Variants in VWA8 observed in about 807,000 individuals in gnomAD.
VWA8 encodes von Willebrand factor A domain containing 8, also known as von Willebrand factor A domain-containing protein 8.
Under a neutral mutation model 241.5 loss-of-function variants are expected in VWA8, and 221 were observed. The ratio of observed to expected loss-of-function variants is 0.91; its 90% CI spans 0.82 to 1.02. VWA8 has a LOEUF of 1.02. Among genes scored for constraint, VWA8 ranks in the 50% least tolerant of loss-of-function variants. The probability of loss-of-function intolerance (pLI) is 0.00; values close to 1 mark genes in which losing one functional copy is unlikely to be tolerated. For synonymous variants in VWA8, 852 were observed against 827.1 expected, an observed-to-expected ratio of 1.03 and a Z score of -0.52; for missense variants, 2,322 against 2,328.7, an observed-to-expected ratio of 1.00 and a Z score of 0.06.
At chr13:41,927,009 G>A (rs758834388) in intron 2 of VWA8, 11 of 423,780 alleles carry the variant, frequency 2.6e-5, no homozygotes, top group East Asian at 6.0e-5. Context: ...AAATGGCACC[G>A]CTCTAAAGAG....
chr13:41,769,088 G>A (rs75051512), intron 20 of VWA8, among the ~76,000 whole-genome samples: 2,083 of 152,158 alleles, frequency 0.014, 27 homozygotes, highest in Middle Eastern at 0.051. Flanking sequence ...GGTATTTTCC[G>A]TAGAGACAGT....
intron 21 of VWA8, among the ~76,000 whole-genome samples, chr13:41,756,046 T>C (rs1251526442): frequency 6.6e-6 from 1 of 151,800 alleles, no homozygotes. Context: ...GTTGGTTCTT[T>C]GACCAATAAT....
At chr13:41,846,792 T>C (rs777850713) in intron 12 of VWA8, among the ~76,000 whole-genome samples, 22 of 152,190 alleles carry the variant, frequency 1.4e-4, no homozygotes, top group Non-Finnish European at 2.2e-4. Flanking sequence ...ATCCCAGCAC[T>C]TTGGGAGGCC....
chr13:41,742,779 T>A (rs2045578226), intron 21 of VWA8, among the ~76,000 whole-genome samples: 1 of 152,162 alleles, frequency 6.6e-6, no homozygotes. Flanking sequence ...ACACATGAGA[T>A]CCAAATGGAA....
At chr13:41,799,447 C>T (rs988263530) in intron 17 of VWA8, among the ~76,000 whole-genome samples, 1 of 152,170 alleles carries the variant, frequency 6.6e-6, no homozygotes, top group Non-Finnish European at 1.5e-5. Flanking sequence ...CTCATGGTGA[C>T]AGTTTCTTTC....
chr13:41,951,243 C>T (rs1414463059), intron 1 of VWA8, among the ~76,000 whole-genome samples: 4 of 151,912 alleles, frequency 2.6e-5, no homozygotes, highest in Non-Finnish European at 4.4e-5. Context: ...ATGGTAAAAC[C>T]CCGTCTCTAC....
At chr13:41,776,971 A>C (rs1457147579) in intron 20 of VWA8, among the ~76,000 whole-genome samples, 1 of 152,216 alleles carries the variant, frequency 6.6e-6, no homozygotes, top group African/African-American at 2.4e-5. Flanking sequence ...GAAAAAATAG[A>C]AACCAAACTT....
At chr13:41,926,883 C>T in intron 2 of VWA8, 1 of 577,294 alleles carries the variant, frequency 1.7e-6, no homozygotes. Context: ...TGTTGAATGC[C>T]CTCTACCTTG....
chr13:41,774,511 G>A (rs533859874), intron 20 of VWA8, among the ~76,000 whole-genome samples: 6 of 152,228 alleles, frequency 3.9e-5, no homozygotes, highest in East Asian at 3.9e-4. Context: ...GAATGTCTAC[G>A]GTATGCAAGG....
At chr13:41,886,060 T>C (rs1182800423) in intron 7 of VWA8, 32 bp from the exon 8 acceptor site, 7 of 1,392,862 alleles carry the variant, frequency 5.0e-6, no homozygotes, top group Non-Finnish European at 6.8e-6. Flanking sequence ...ATTTTAATAG[T>C]TTTAAAATAT....
rs562010895 is a variant in VWA8 at position 41,657,477 on chromosome 13, T to C, written c.4611+13469A>G. Among the ~76,000 whole-genome samples, 160 of 151,634 alleles carry C rather than the reference T, an allele frequency of 1.1e-3. 1 individual carries two copies. The highest frequency in any genetic ancestry group is 3.8e-3 in the African/African-American group (156 of 41,278). The stretch of plus-strand genomic sequence containing the variant: ...CTCTCTTTAAAGGTACAGAGAAAAG[T>C]TATTCTTTTTTTTTTTTTTTTTTGA... On this transcript the variant is annotated intron_variant, in intron 37 of 44. Coordinates refer to ENST00000379310, the MANE Select transcript of VWA8 (RefSeq NM_015058.2).
At position 41,761,139 on chromosome 13, in the gene VWA8, A is replaced by C; in HGVS notation, c.2415T>G (p.Ile805Met). Residue 805 changes from isoleucine (I) to methionine (M), a missense_variant, in exon 21 of 45, where the codon ATT becomes ATG. Transcript: ENST00000379310. ...TCTAATAGTCTTACCTGTGTAGCTG[A>C]ATATATTCTCGGGGTCTGTTGAGCA... ...LHLLNRPREYIQLHRDTTVQT... is the reference protein window; with the variant it reads ...LHLLNRPREYMQLHRDTTVQT... The C allele has an allele frequency of 1.9e-6, 3 of 1,611,716 alleles. No individual in the cohort carries two copies. Among genetic ancestry groups the C allele is most frequent in the Non-Finnish European group, 2.5e-6 (3 of 1,178,418 alleles).
chr13:41,939,383 A>G (rs1389053402), intron 2 of VWA8, among the ~76,000 whole-genome samples: 1 of 152,232 alleles, frequency 6.6e-6, no homozygotes, highest in East Asian at 1.9e-4. Flanking sequence ...GTAAAAAAGC[A>G]TTTATCCACT....
At chr13:41,744,649 G>A (rs191069503) in intron 21 of VWA8, among the ~76,000 whole-genome samples, 95 of 152,218 alleles carry the variant, frequency 6.2e-4, no homozygotes, top group African/African-American at 2.2e-3. Flanking sequence ...AGAAAGTTGG[G>A]AGGTATCTTC....
chr13:41,667,306 G>A (rs1383180868), intron 37 of VWA8, among the ~76,000 whole-genome samples: 3 of 152,144 alleles, frequency 2.0e-5, no homozygotes, highest in South Asian at 4.1e-4. Flanking sequence ...TTAAAAGGGG[G>A]AATAGACTAA....
chr13:41,709,221 A>G (rs928843457), intron 26 of VWA8, among the ~76,000 whole-genome samples: 12 of 152,198 alleles, frequency 7.9e-5, no homozygotes, highest in African/African-American at 2.4e-4. Flanking sequence ...CTAGAGTGTT[A>G]ATGCATCGAG....
At chr13:41,883,321 A>C in intron 9 of VWA8, 66 bp downstream of exon 9, 1 of 1,269,250 alleles carries the variant, frequency 7.9e-7, no homozygotes, top group East Asian at 2.3e-5. Flanking sequence ...AGTGAGGGGA[A>C]GATGGGAAAA....
At chr13:41,667,280 TC>T (rs1382925093) in intron 37 of VWA8, among the ~76,000 whole-genome samples, 1 of 152,198 alleles carries the variant, frequency 6.6e-6, no homozygotes, top group Admixed American at 6.5e-5. Flanking sequence ...TTATTCATAG[TC>T]CTAGAAAATT....
At chr13:41,958,500 A>G (rs1158558976) in intron 1 of VWA8, among the ~76,000 whole-genome samples, 1 of 152,248 alleles carries the variant, frequency 6.6e-6, no homozygotes, top group East Asian at 1.9e-4. Context: ...ACATGTATGA[A>G]TGCAGCTGAG....
Sources: gnomAD v4.1 joint callset for allele counts (sites outside exome capture counted in the v4.1 genomes callset) on GRCh38, gnomAD v4.1.1 for gene constraint, MANE v1.5 for transcripts, NCBI Gene and HGNC (gene_info 2026-07-23, HGNC 2026-07-21) for gene names.